Variants in PPP1R21 observed in about 807,000 individuals in gnomAD.
The protein encoded by PPP1R21 is protein phosphatase 1 regulatory subunit 21.
PPP1R21 carries 85 observed loss-of-function variants against 112.8 expected under a neutral mutation model. That is an observed-to-expected ratio of 0.75 (90% CI 0.63 to 0.90). The LOEUF (loss-of-function observed/expected upper bound fraction) is 0.90. Among genes scored for constraint, PPP1R21 ranks in the 40% least tolerant of loss-of-function variants. The pLI is 0.00. For synonymous variants in PPP1R21, 381 were observed against 322.3 expected, an observed-to-expected ratio of 1.18 and a Z score of -1.95; for missense variants, 1,199 against 901.5, an observed-to-expected ratio of 1.33 and a Z score of -4.23.
At chr2:48,513,893 TC>T in intron 21 of PPP1R21, among the ~76,000 whole-genome samples, 1 of 152,184 alleles carries the variant, frequency 6.6e-6, no homozygotes, top group South Asian at 2.1e-4. Context: ...AATCCAAATC[TC>T]CGTATTTGAG....
chr2:48,463,655 A>T (rs529302757), intron 7 of PPP1R21, among the ~76,000 whole-genome samples: 5 of 152,152 alleles, frequency 3.3e-5, no homozygotes, highest in African/African-American at 1.2e-4. Context: ...GAAGAGACTC[A>T]CTGTGGACAC....
At chr2:48,484,159 C>A (rs531858715) in intron 13 of PPP1R21, among the ~76,000 whole-genome samples, 1 of 152,208 alleles carries the variant, frequency 6.6e-6, no homozygotes, top group Admixed American at 6.5e-5. Context: ...GGGGGTTTGC[C>A]ATGCAGAGAT....
In PPP1R21 at chr2:48,491,109, C is replaced by T. The variant is rs574794078; in HGVS notation, c.1538C>T (p.Ser513Leu). The change falls in exon 15 of 22, where the codon TCA becomes TTA. Residue 513 changes from serine to leucine, a missense_variant. Physicochemically the swap from Ser to Leu is moderately radical, Grantham distance 145 (BLOSUM62 -2). Coordinates refer to ENST00000294952, the MANE Select transcript of PPP1R21 (RefSeq NM_001135629.3). ...GCGAGTGGATTCATTAGTCCTCTTT[C>T]AGCTGAATGCATGCTACAGTATAAG... The part of the protein sequence containing the change: ...KAASGFISPL[S>L]AECMLQYKKK... 1 of 1,614,150 alleles carries T rather than the reference C, an allele frequency of 6.2e-7. No individual in the cohort carries two copies. The highest frequency in any genetic ancestry group is 2.2e-5 in the East Asian group (1 of 44,886).
chr2:48,461,909 A>G (rs1391376457), intron 7 of PPP1R21, among the ~76,000 whole-genome samples: 1 of 152,184 alleles, frequency 6.6e-6, no homozygotes, highest in Non-Finnish European at 1.5e-5. Flanking sequence ...AAATTTTTTT[A>G]GGGAAGACCT....
intron 14 of PPP1R21, among the ~76,000 whole-genome samples, chr2:48,487,634 G>C (rs753394483): frequency 6.6e-6 from 1 of 151,416 alleles, no homozygotes; most frequent in Non-Finnish European, 1.5e-5. Context: ...GGTGATGTGC[G>C]TCTGTGGTCC....
At chr2:48,467,167 G>A (rs1337938751) in intron 9 of PPP1R21, among the ~76,000 whole-genome samples, 1 of 151,878 alleles carries the variant, frequency 6.6e-6, no homozygotes, top group Non-Finnish European at 1.5e-5. Flanking sequence ...AGTTGAGCTT[G>A]GGGGGCATTT....
chr2:48,510,014 G>A lies in PPP1R21; in HGVS notation c.2086-1G>A. 1.3e-6 allele frequency: 2 copies of A among 1,599,384 alleles called. No homozygotes were observed. The highest frequency in any genetic ancestry group is 1.7e-6 in the Non-Finnish European group (2 of 1,172,336). On this transcript the variant is annotated splice_acceptor_variant, in intron 19 of 21. Coordinates refer to ENST00000294952, the MANE Select transcript of PPP1R21 (RefSeq NM_001135629.3). LOFTEE classifies it high-confidence loss of function. ...TAATGGAATGTTTTCTGATTTTACAGTGCCGAGCACTGTCTAAAAGACTGG... is the reference window on the plus strand; with the variant it reads ...TAATGGAATGTTTTCTGATTTTACAATGCCGAGCACTGTCTAAAAGACTGG...
In PPP1R21 at chr2:48,505,587, T is replaced by G. The variant is rs768450188; in HGVS notation, c.1959T>G (p.Ser653=). ...TSLIGTLTRT[S]DSEVPDVESR... ...AGATTGGGACTTTAACCAGGACATC[T>G]GACAGTGAGGTAACATGTGCTTGTC... Residue 653 remains serine, a synonymous_variant, in exon 18 of 22, where the codon TCT becomes TCG. Transcript: ENST00000294952. 7 of 1,550,634 alleles carry G rather than the reference T, an allele frequency of 4.5e-6. No homozygotes were observed. The South Asian group carries it at 8.3e-5, about 18-fold the overall frequency.
At chr2:48,494,608 G>A (rs1279392598) in intron 15 of PPP1R21, among the ~76,000 whole-genome samples, 1 of 151,912 alleles carries the variant, frequency 6.6e-6, no homozygotes, top group Non-Finnish European at 1.5e-5. Flanking sequence ...TAGAAACGGG[G>A]TTTCACCATG....
intron 17 of PPP1R21, among the ~76,000 whole-genome samples, chr2:48,499,889 A>G (rs1670029874): frequency 6.6e-6 from 1 of 152,274 alleles, no homozygotes; most frequent in South Asian, 2.1e-4. Context: ...AGAAAAAGAA[A>G]TCAGGAAGGA....
At chr2:48,480,684 G>A (rs749366070) in intron 13 of PPP1R21, among the ~76,000 whole-genome samples, 1 of 152,008 alleles carries the variant, frequency 6.6e-6, no homozygotes, top group Non-Finnish European at 1.5e-5. Context: ...AGAGACTGTT[G>A]GGGTAGGGAA....
intron 2 of PPP1R21, among the ~76,000 whole-genome samples, chr2:48,451,843 G>A (rs1194229095): frequency 6.6e-6 from 1 of 152,034 alleles, no homozygotes; most frequent in African/African-American, 2.4e-5. Flanking sequence ...TTTTGGATAA[G>A]CCCCTGATCA....
chr2:48,448,565 A>C (rs1453560579), intron 1 of PPP1R21, among the ~76,000 whole-genome samples: 1 of 152,206 alleles, frequency 6.6e-6, no homozygotes. Flanking sequence ...TACAGATCAC[A>C]GCTAAGGCAG....
At chr2:48,500,765 C>T (rs1362077205) in intron 17 of PPP1R21, among the ~76,000 whole-genome samples, 3 of 152,008 alleles carry the variant, frequency 2.0e-5, no homozygotes, top group Non-Finnish European at 4.4e-5. Flanking sequence ...AGAAATTAGC[C>T]AGGCGTGGCG....
At chr2:48,478,697 G>C (rs1235078406) in intron 12 of PPP1R21, among the ~76,000 whole-genome samples, 2 of 152,262 alleles carry the variant, frequency 1.3e-5, no homozygotes, top group Non-Finnish European at 2.9e-5. Flanking sequence ...GACCCCAGGA[G>C]GGCTCTTCTT....
chr2:48,509,982 C>T, intron 19 of PPP1R21, 33 bp from the exon 20 acceptor site: 1 of 1,519,490 alleles, frequency 6.6e-7, no homozygotes, highest in South Asian at 1.2e-5. Flanking sequence ...GAAAGTGCTC[C>T]CTCTAGTAAT....
rs181826570 is a variant in PPP1R21 at position 48,461,383 on chromosome 2, A to G, written c.694+151A>G. On this transcript the variant is annotated intron_variant, in intron 7 of 21. Transcript: ENST00000294952. The stretch of plus-strand genomic sequence containing the variant: ...CTTTGTTCATTTGATCAGCCGTGGT[A>G]ATCATATTTAACAGGAAGATTTTAA... 21 of 1,242,930 alleles carry G rather than the reference A, an allele frequency of 1.7e-5. No individual in the cohort carries two copies. In the Admixed American group the frequency reaches 2.6e-4, roughly 15 times the overall value. 77.0% of individuals were successfully genotyped at this position (1,242,930 alleles called of 1,614,324 possible).
chr2:48,484,144 C>T (rs142387295), intron 13 of PPP1R21, among the ~76,000 whole-genome samples: 305 of 152,280 alleles, frequency 2.0e-3, no homozygotes, highest in African/African-American at 6.8e-3. Flanking sequence ...ATAAGCCCTG[C>T]GTTTGGGGGT....
intron 12 of PPP1R21, among the ~76,000 whole-genome samples, chr2:48,476,087 A>G (rs1668741137): frequency 6.6e-6 from 1 of 152,154 alleles, no homozygotes. Flanking sequence ...AACCCTGTGT[A>G]TTTTAGCTAT....
Sources: gnomAD v4.1 joint callset for allele counts (sites outside exome capture counted in the v4.1 genomes callset) on GRCh38, gnomAD v4.1.1 for gene constraint, MANE v1.5 for transcripts, NCBI Gene and HGNC (gene_info 2026-07-23, HGNC 2026-07-21) for gene names.